HDAC9: variants seen among roughly 807,000 people sequenced by gnomAD.
HDAC9 encodes the protein MEF-2 interacting transcription repressor (MITR) protein.
A neutral mutation model predicts 139.4 loss-of-function variants in HDAC9; 41 were observed. The ratio of observed to expected loss-of-function variants is 0.29; its 90% CI spans 0.23 to 0.38. The LOEUF is 0.38. HDAC9 is among the 10% of genes least tolerant of loss of function. The probability of loss-of-function intolerance (pLI) is 1.00; values close to 1 mark genes in which losing one functional copy is unlikely to be tolerated. For missense variants in HDAC9, 1,147 were observed against 1,297.0 expected (o/e 0.88, Z 1.78); for synonymous variants, 517 against 476.2 (o/e 1.09, Z -1.12).
Position 19,002,234 on chromosome 7 carries a change from C to T in HDAC9, c.*6172C>T, listed in dbSNP as rs1007993666. ...ATTGTTGAACATGCTCATGGAATGT[C>T]CACCTTCTTCTGATTCCTTTTTTGT... On this transcript the variant is annotated 3_prime_UTR_variant, in exon 26 of 26. Coordinates refer to ENST00000686413, the MANE Select transcript of HDAC9 (RefSeq NM_178425.4). 1 of 152,006 alleles carries T rather than the reference C, an allele frequency of 6.6e-6. No homozygotes were observed. The highest frequency in any genetic ancestry group is 2.4e-5 in the African/African-American group (1 of 41,408). 9.4% of individuals were successfully genotyped at this position (152,006 alleles called of 1,614,324 possible).
In HDAC9 at chr7:18,943,612, A is replaced by G. The variant is rs112335753; in HGVS notation, c.2937+7670A>G. Among the ~76,000 whole-genome samples, 257 of 152,160 alleles carry G rather than the reference A, an allele frequency of 1.7e-3. 2 individuals are homozygous for G. The highest frequency in any genetic ancestry group is 5.5e-3 in the African/African-American group (230 of 41,552). On this transcript the variant is annotated intron_variant, in intron 23 of 25. Transcript: ENST00000686413. ...CATTGGCTGATGTATTGTTTAACCT[A>G]CATTTCTCTAAGCCATAGTAGTTTT...
rs184178712 is a variant in HDAC9 at position 18,398,599 on chromosome 7, T to C, written c.-41-97663T>C. ...GTGGAAAGATACAGGATTGTGCGTATGAGCCTTTGCTCAACCCAGTGCTTG... is the reference window on the plus strand; with the variant it reads ...GTGGAAAGATACAGGATTGTGCGTACGAGCCTTTGCTCAACCCAGTGCTTG... On this transcript the variant is annotated intron_variant, in intron 1 of 3. Coordinates refer to the HDAC9 transcript ENST00000413509. 2.4e-3 allele frequency among the ~76,000 whole-genome samples: 361 copies of C among 152,288 alleles called. 10 individuals carry two copies. The highest frequency in any genetic ancestry group is 0.022 in the Admixed American group (335 of 15,292).
intron 6 of HDAC9, among the ~76,000 whole-genome samples, chr7:18,603,730 T>A (rs913756128): frequency 6.6e-6 from 1 of 152,142 alleles, no homozygotes; most frequent in South Asian, 2.1e-4. Flanking sequence ...TTCTTTTACC[T>A]TCATATGCTC....
At chr7:18,177,250 C>T (rs1264064561) in intron 2 of HDAC9, among the ~76,000 whole-genome samples, 1 of 152,170 alleles carries the variant, frequency 6.6e-6, no homozygotes, top group Admixed American at 6.5e-5. Context: ...TTAGTACCTG[C>T]ATTTAAATTC....
At chr7:18,695,238 C>T (rs1436573513) in intron 12 of HDAC9, among the ~76,000 whole-genome samples, 2 of 152,036 alleles carry the variant, frequency 1.3e-5, no homozygotes, top group African/African-American at 2.4e-5. Flanking sequence ...TGGGTTGCCA[C>T]TCAAGTTAGA....
chr7:18,902,336 A>C (rs1801804203), intron 22 of HDAC9, among the ~76,000 whole-genome samples: 1 of 152,190 alleles, frequency 6.6e-6, no homozygotes. Context: ...ATGTGTCCTT[A>C]GGAGAGTCAT....
At chr7:18,766,419 A>G (rs1250153595) in intron 15 of HDAC9, among the ~76,000 whole-genome samples, 1 of 152,208 alleles carries the variant, frequency 6.6e-6, no homozygotes, top group Non-Finnish European at 1.5e-5. Flanking sequence ...CTCACAATTC[A>G]GTTTTGGGAA....
intron 1 of HDAC9, among the ~76,000 whole-genome samples, chr7:18,313,717 G>A (rs1411465259): frequency 6.6e-6 from 1 of 152,030 alleles, no homozygotes. Flanking sequence ...ATAAACCACT[G>A]GAATAATAAC....
intron 1 of HDAC9, among the ~76,000 whole-genome samples, chr7:18,343,327 G>A (rs1339642383): frequency 6.6e-6 from 1 of 151,690 alleles, no homozygotes; most frequent in Non-Finnish European, 1.5e-5. Context: ...TGAACTTTTG[G>A]CAAGGAAGGT....
At chr7:18,192,167 C>T (rs1233582771) in intron 2 of HDAC9, among the ~76,000 whole-genome samples, 1 of 152,146 alleles carries the variant, frequency 6.6e-6, no homozygotes, top group Non-Finnish European at 1.5e-5. Flanking sequence ...GGAAAATCTA[C>T]AAGTGACGGT....
chr7:18,930,132 A>G (rs552683875), intron 22 of HDAC9, among the ~76,000 whole-genome samples: 9 of 152,192 alleles, frequency 5.9e-5, no homozygotes, highest in African/African-American at 7.2e-5. Flanking sequence ...TCTGCACTCA[A>G]TTAGGAAACT....
intron 1 of HDAC9, among the ~76,000 whole-genome samples, chr7:18,113,610 C>G (rs768708391): frequency 3.9e-5 from 6 of 152,198 alleles, no homozygotes; most frequent in Non-Finnish European, 7.4e-5. Context: ...ACATGACTTT[C>G]TTCAGCATTA....
chr7:18,565,802 A>G (rs1822138862), intron 2 of HDAC9, among the ~76,000 whole-genome samples: 1 of 152,156 alleles, frequency 6.6e-6, no homozygotes, highest in South Asian at 2.1e-4. Flanking sequence ...AACCAAAAAA[A>G]GAAAGAAAGA....
At chr7:18,690,806 T>C (rs994413587) in intron 12 of HDAC9, among the ~76,000 whole-genome samples, 2 of 152,026 alleles carry the variant, frequency 1.3e-5, no homozygotes, top group Non-Finnish European at 2.9e-5. Flanking sequence ...TTTGGCATTA[T>C]GCCTTTTTTC....
chr7:18,223,820 A>G (rs1487164585), intron 2 of HDAC9, among the ~76,000 whole-genome samples: 1 of 152,066 alleles, frequency 6.6e-6, no homozygotes. Context: ...TAATTTTTAT[A>G]TCTAAGGGAA....
chr7:18,160,762 G>A (rs190965580), intron 1 of HDAC9, among the ~76,000 whole-genome samples: 120 of 152,040 alleles, frequency 7.9e-4, no homozygotes, highest in Non-Finnish European at 7.8e-4. Flanking sequence ...GATTACAGGC[G>A]CCCACCACCA....
At chr7:18,746,521 G>C (rs1787989839) in intron 13 of HDAC9, among the ~76,000 whole-genome samples, 1 of 152,160 alleles carries the variant, frequency 6.6e-6, no homozygotes, top group South Asian at 2.1e-4. Context: ...TAAAATAAAT[G>C]CCTATATTAG....
intron 23 of HDAC9, among the ~76,000 whole-genome samples, chr7:18,951,531 T>C (rs1033912790): frequency 1.3e-5 from 2 of 151,872 alleles, no homozygotes; most frequent in Non-Finnish European, 2.9e-5. Flanking sequence ...GTGTGTACTA[T>C]TTCCTACATT....
chr7:18,514,283 G>A (rs1386010870), intron 2 of HDAC9, among the ~76,000 whole-genome samples: 1 of 152,124 alleles, frequency 6.6e-6, no homozygotes, highest in Non-Finnish European at 1.5e-5. Context: ...TTGACTATAT[G>A]CCAAATTTCT....
Sources: allele counts gnomAD v4.1 joint callset (sites outside exome capture counted in the v4.1 genomes callset), GRCh38; gene constraint gnomAD v4.1.1; transcripts MANE v1.5; gene names NCBI Gene and HGNC (gene_info 2026-07-23, HGNC 2026-07-21).